EVI5: variants seen among roughly 807,000 people sequenced by gnomAD.
EVI5 encodes ecotropic viral integration site 5 protein homolog.
In EVI5, 73 loss-of-function variants were observed where a neutral mutation model predicts 112.0. The ratio of observed to expected loss-of-function variants is 0.65; its 90% CI spans 0.54 to 0.79. The LOEUF (loss-of-function observed/expected upper bound fraction) is 0.79. EVI5 is among the 30% of genes least tolerant of loss of function. The pLI is 0.00. For synonymous variants in EVI5, 305 were observed against 319.9 expected (o/e 0.95, Z 0.50); for missense variants, 900 against 968.8 (o/e 0.93, Z 0.94).
intron 18 of EVI5, among the ~76,000 whole-genome samples, chr1:92,575,300 T>C (rs1278907508): frequency 6.6e-6 from 1 of 152,126 alleles, no homozygotes; most frequent in Non-Finnish European, 1.5e-5. Flanking sequence ...GGAATGTAAA[T>C]TGCAGGTGTC....
At chr1:92,526,829 C>T (rs1051647793) in intron 19 of EVI5, among the ~76,000 whole-genome samples, 1 of 152,024 alleles carries the variant, frequency 6.6e-6, no homozygotes, top group Non-Finnish European at 1.5e-5. Flanking sequence ...AAGAATGAAC[C>T]CTAATGTAAA....
chr1:92,548,196 C>A (rs1181943931), intron 19 of EVI5, among the ~76,000 whole-genome samples: 1 of 152,070 alleles, frequency 6.6e-6, no homozygotes, highest in East Asian at 1.9e-4. Context: ...GTTCAACATA[C>A]GAAAATCAAT....
At chr1:92,728,015 AAAC>A (rs1372713199) in intron 2 of EVI5, among the ~76,000 whole-genome samples, 6 of 27,484 alleles carry the variant, frequency 2.2e-4, no homozygotes, top group African/African-American at 6.4e-4. Context: ...AGTTAAAGAT[AAAC>A]AAAAAAAAAT....
At chr1:92,629,372 G>A (rs184809171) in intron 14 of EVI5, among the ~76,000 whole-genome samples, 273 of 152,252 alleles carry the variant, frequency 1.8e-3, no homozygotes, top group African/African-American at 6.0e-3. Flanking sequence ...TATTACCTAA[G>A]AGTAAAAAGG....
chr1:92,599,500 T>C (rs1341848310), intron 18 of EVI5, among the ~76,000 whole-genome samples: 1 of 152,010 alleles, frequency 6.6e-6, no homozygotes, highest in Non-Finnish European at 1.5e-5. Context: ...TTTATGAATC[T>C]TAATCTGTAT....
chr1:92,747,644 G>A (rs1383238357), intron 1 of EVI5, among the ~76,000 whole-genome samples: 3 of 151,082 alleles, frequency 2.0e-5, no homozygotes, highest in Non-Finnish European at 2.9e-5. Flanking sequence ...AACCCGGAAG[G>A]CGGAGGTTGC....
chr1:92,732,296 G>T, intron 2 of EVI5: 1 of 392,238 alleles, frequency 2.5e-6, no homozygotes, highest in Non-Finnish European at 5.1e-6. Flanking sequence ...TCACAAGTGT[G>T]AAAAACTGGA....
At chr1:92,736,344 T>A in intron 2 of EVI5, 54 bp downstream of exon 2, 1 of 1,191,404 alleles carries the variant, frequency 8.4e-7, no homozygotes, top group Non-Finnish European at 1.2e-6. Flanking sequence ...TAAGTAAATA[T>A]GAATGGCTGG....
intron 13 of EVI5, among the ~76,000 whole-genome samples, chr1:92,637,427 G>C (rs1232322531): frequency 6.6e-6 from 1 of 151,062 alleles, no homozygotes; most frequent in African/African-American, 2.4e-5. Context: ...GCTGGAAGTA[G>C]AGAAGACGCA....
chr1:92,692,458 G>T (rs1181356589), intron 9 of EVI5, among the ~76,000 whole-genome samples: 1 of 152,196 alleles, frequency 6.6e-6, no homozygotes, highest in African/African-American at 2.4e-5. Flanking sequence ...TATTTAAAAC[G>T]TATCAACATG....
chr1:92,785,374 C>T (rs1418939713), upstream of EVI5, among the ~76,000 whole-genome samples: 2 of 152,214 alleles, frequency 1.3e-5, no homozygotes, highest in African/African-American at 4.8e-5. Context: ...CCTCGGGGGC[C>T]CGAAGCGACC....
intron 1 of EVI5, among the ~76,000 whole-genome samples, chr1:92,758,832 G>A (rs1681370948): frequency 6.7e-6 from 1 of 149,932 alleles, no homozygotes; most frequent in East Asian, 1.9e-4. Flanking sequence ...TAAGGAATGA[G>A]ACCTACACAT....
In EVI5 at chr1:92,552,810, G is replaced by A. The variant is rs1024865029; in HGVS notation, c.2166+10832C>T. ...CTTGGTTTCTTACATTTTTAAGTTCGAATATTTTTCCTCACCTGATTTTTA... is the reference window on the plus strand; with the variant it reads ...CTTGGTTTCTTACATTTTTAAGTTCAAATATTTTTCCTCACCTGATTTTTA... On this transcript the variant is annotated intron_variant, in intron 19 of 19. Coordinates refer to ENST00000684568, the MANE Select transcript of EVI5 (RefSeq NM_001350197.2). Among the ~76,000 whole-genome samples the A allele has an allele frequency of 4.0e-5, 6 of 151,584 alleles. No homozygotes were observed. In the South Asian group the frequency reaches 6.3e-4, roughly 16 times the overall value.
intron 1 of EVI5, among the ~76,000 whole-genome samples, chr1:92,751,067 A>G (rs199952955): frequency 6.6e-6 from 1 of 152,116 alleles, no homozygotes; most frequent in Non-Finnish European, 1.5e-5. Context: ...GGAGAATGGC[A>G]TGAACCCGGG....
chr1:92,649,097 GT>G (rs959831651), intron 13 of EVI5, among the ~76,000 whole-genome samples: 1 of 152,156 alleles, frequency 6.6e-6, no homozygotes, highest in African/African-American at 2.4e-5. Flanking sequence ...CCTCATCATG[GT>G]TTTGCTCTGC....
At chr1:92,632,026 A>T (rs1343922254) in intron 14 of EVI5, among the ~76,000 whole-genome samples, 1 of 129,996 alleles carries the variant, frequency 7.7e-6, no homozygotes, top group African/African-American at 3.0e-5. Flanking sequence ...CCCAGGGATG[A>T]AGCCCACTTG....
At chr1:92,703,690 T>C (rs1671542135) in intron 3 of EVI5, 71 bp from the exon 4 acceptor site, 2 of 915,446 alleles carry the variant, frequency 2.2e-6, no homozygotes, top group African/African-American at 1.7e-5. Context: ...GAAGACTTAT[T>C]AGGGGGTTGG....
rs143492182 is a variant in EVI5 at position 92,534,351 on chromosome 1, C to G, written c.2167-20381G>C. Among the ~76,000 whole-genome samples, 614 of 152,304 alleles carry G rather than the reference C, an allele frequency of 4.0e-3. 4 individuals carry two copies. The highest frequency in any genetic ancestry group is 0.014 in the African/African-American group (592 of 41,564). Reference sequence around the variant, plus strand: ...AATCAATATTGTGACAATGGCCATACTGCCCAAAGTAATTTCTAGATTCAA... The same window carrying G: ...AATCAATATTGTGACAATGGCCATAGTGCCCAAAGTAATTTCTAGATTCAA... On this transcript the variant is annotated intron_variant, in intron 19 of 19. Transcript: ENST00000684568.
chr1:92,742,090 G>A (rs4264007), intron 1 of EVI5, among the ~76,000 whole-genome samples: 136,902 of 152,078 alleles, frequency 0.9, 61,727 homozygotes, highest in East Asian at 0.97. Flanking sequence ...AATATATAAA[G>A]AACTCCTACA....
Sources: allele counts gnomAD v4.1 joint callset (sites outside exome capture counted in the v4.1 genomes callset), GRCh38; gene constraint gnomAD v4.1.1; transcripts MANE v1.5; gene names NCBI Gene and HGNC (gene_info 2026-07-23, HGNC 2026-07-21).